Variants in YAP1 observed in about 807,000 individuals in gnomAD.
The protein encoded by YAP1 is transcriptional coactivator YAP1.
YAP1 carries 5 observed loss-of-function variants against 56.9 expected under a neutral mutation model. The observed-to-expected ratio is 0.09, with a 90% CI of 0.05 to 0.18. YAP1 has a LOEUF of 0.18. YAP1 is among the 10% of genes least tolerant of loss of function. YAP1 has a pLI of 1.00. For synonymous variants in YAP1, 265 were observed against 248.1 expected (o/e 1.07, Z -0.64); for missense variants, 539 against 651.8 (o/e 0.83, Z 1.88).
chr11:102,130,657 C>T (rs1944320320), intron 2 of YAP1, among the ~76,000 whole-genome samples: 1 of 151,606 alleles, frequency 6.6e-6, no homozygotes, highest in African/African-American at 2.4e-5. Flanking sequence ...CTCACTTCAG[C>T]CTCCCAAAAT....
At chr11:102,111,215 AG>A in intron 1 of YAP1, 46 bp downstream of exon 1, 1 of 1,602,830 alleles carries the variant, frequency 6.2e-7, no homozygotes. Context: ...GGCGGGCCTC[AG>A]ACCGGGGGGG....
chr11:102,226,142 C>G (rs1422557941), intron 7 of YAP1, among the ~76,000 whole-genome samples: 1 of 152,200 alleles, frequency 6.6e-6, no homozygotes, highest in Non-Finnish European at 1.5e-5. Flanking sequence ...AGGCTCTTGT[C>G]CCAGATCAGG....
At chr11:102,177,601 C>T (rs560881777) in intron 3 of YAP1, among the ~76,000 whole-genome samples, 55 of 150,118 alleles carry the variant, frequency 3.7e-4, no homozygotes, top group Middle Eastern at 3.4e-3. Flanking sequence ...CGCTTGAACC[C>T]AGCAGGTGGA....
chr11:102,215,946 A>G (rs1949639594), intron 6 of YAP1, among the ~76,000 whole-genome samples: 1 of 152,174 alleles, frequency 6.6e-6, no homozygotes, highest in Non-Finnish European at 1.5e-5. Flanking sequence ...ACAATATGAT[A>G]TGTCTTTGTG....
At position 102,110,948 on chromosome 11, in the gene YAP1, G is replaced by C; in HGVS notation, c.100G>C (p.Gly34Arg). The change falls in exon 1 of 9, where the codon GGG becomes CGG. Residue 34 changes from glycine (G) to arginine (R), a missense_variant. Gly to Arg is a moderately radical substitution (Grantham distance 125). This residue lies in a region of YAP1 where 106 missense variants were observed against 86.6 expected (regional missense o/e 1.22). Coordinates refer to ENST00000282441, the MANE Select transcript of YAP1 (RefSeq NM_001130145.3). ...GGGGCAGGGCCCGCCGTCCGGACCC[G>C]GGCAACCGGCACCCGCGGCGACCCA... ...PQGQGPPSGP[G>R]QPAPAATQAA... 7 of 1,504,220 alleles carry C rather than the reference G, an allele frequency of 4.7e-6. No individual in the cohort carries two copies. Among genetic ancestry groups the C allele is most frequent in the Non-Finnish European group, 6.2e-6 (7 of 1,128,090 alleles). The allele number at this position is 1,504,220 out of a possible 1,614,324, so 93.2% of individuals were successfully genotyped here.
intron 2 of YAP1, among the ~76,000 whole-genome samples, chr11:102,115,395 A>G (rs749726920): frequency 2.6e-5 from 4 of 152,184 alleles, no homozygotes; most frequent in Non-Finnish European, 4.4e-5. Context: ...ATCATACCAG[A>G]TAACACCATT....
At chr11:102,188,560 T>A (rs1948108850) in intron 4 of YAP1, among the ~76,000 whole-genome samples, 1 of 152,234 alleles carries the variant, frequency 6.6e-6, no homozygotes, top group South Asian at 2.1e-4. Context: ...ATTCTAATAC[T>A]GTGTTTTTAC....
chr11:102,180,296 T>A (rs1014394389), intron 3 of YAP1, among the ~76,000 whole-genome samples: 3 of 152,082 alleles, frequency 2.0e-5, no homozygotes, highest in African/African-American at 7.2e-5. Context: ...AATTAGTAGA[T>A]CCTATACTGG....
intron 2 of YAP1, among the ~76,000 whole-genome samples, chr11:102,161,535 C>G (rs1394451565): frequency 1.3e-5 from 2 of 152,050 alleles, no homozygotes; most frequent in Non-Finnish European, 2.9e-5. Flanking sequence ...TAACCAATTC[C>G]CTATCATTAA....
intron 2 of YAP1, among the ~76,000 whole-genome samples, chr11:102,148,794 A>G (rs73579981): frequency 0.08 from 12,202 of 152,194 alleles, 779 homozygotes; most frequent in African/African-American, 0.16. Context: ...GTAGAGATTT[A>G]ATATAGGAGG....
At chr11:102,209,261 A>G (rs1949275194) in intron 5 of YAP1, among the ~76,000 whole-genome samples, 1 of 152,176 alleles carries the variant, frequency 6.6e-6, no homozygotes, top group Non-Finnish European at 1.5e-5. Context: ...CTACGTGACC[A>G]ATATCAAATT....
Position 102,172,220 on chromosome 11 carries a change from G to A in YAP1, c.688+9649G>A, listed in dbSNP as rs182407863. Among the ~76,000 whole-genome samples, 45 of 150,498 alleles carry A rather than the reference G, an allele frequency of 3.0e-4. 1 individual carries two copies. In the East Asian group the frequency reaches 8.2e-3, roughly 27 times the overall value. ...AAAAAAAATAAAAGAAAAAGTTGTG[G>A]CAGATGTATGCACTGAGTGCTGAGA... On this transcript the variant is annotated intron_variant, in intron 3 of 8. Transcript: ENST00000282441.
rs533083098 is a variant in YAP1 at position 102,209,567 on chromosome 11, A to G, written c.1032+3A>G. On this transcript the variant is annotated splice_donor_region_variant and intron_variant, in intron 6 of 8. Transcript: ENST00000282441. ...CAGCAAATTCTCCAAAATGTCAGGT[A>G]GGCTCTTATCTGATGTTTTAGCACT... The G allele has an allele frequency of 1.3e-6, 2 of 1,591,582 alleles. No homozygotes were observed. Among genetic ancestry groups the G allele is most frequent in the Non-Finnish European group, 1.7e-6 (2 of 1,171,626 alleles).
At chr11:102,132,828 G>A (rs549577547) in intron 2 of YAP1, among the ~76,000 whole-genome samples, 2 of 152,316 alleles carry the variant, frequency 1.3e-5, no homozygotes, top group East Asian at 1.9e-4. Context: ...ATAGTAAAAT[G>A]TGTAAAACAT....
chr11:102,176,253 T>A (rs1197588700), intron 3 of YAP1, among the ~76,000 whole-genome samples: 1 of 152,184 alleles, frequency 6.6e-6, no homozygotes, highest in African/African-American at 2.4e-5. Flanking sequence ...TTTTTCCCTA[T>A]AGTCTAGGGC....
At chr11:102,178,025 T>C (rs1157949972) in intron 3 of YAP1, among the ~76,000 whole-genome samples, 1 of 152,214 alleles carries the variant, frequency 6.6e-6, no homozygotes, top group Admixed American at 6.5e-5. Flanking sequence ...GGCTGAATGA[T>C]CCTGGACAAG....
At chr11:102,201,066 C>T (rs994658726) in intron 4 of YAP1, among the ~76,000 whole-genome samples, 11 of 152,130 alleles carry the variant, frequency 7.2e-5, no homozygotes, top group African/African-American at 2.7e-4. Flanking sequence ...TAAGCAATCT[C>T]CCGTATAGAC....
At chr11:102,214,433 T>A (rs1235850246) in intron 6 of YAP1, among the ~76,000 whole-genome samples, 5 of 152,194 alleles carry the variant, frequency 3.3e-5, no homozygotes, top group African/African-American at 1.2e-4. Flanking sequence ...ACAGTTGTAG[T>A]TAATGAGAAC....
chr11:102,111,163 C>A lies in YAP1; in HGVS notation c.315C>A (p.Ser105=), dbSNP rs1942872848. ...FFKPPEPKSH[S]RQASTDAGTA... Reference sequence around the variant, plus strand: ...AGCCGCCGGAGCCCAAATCCCACTCCCGACAGGTAACCTCGTTGCCCCTCT... The same window carrying A: ...AGCCGCCGGAGCCCAAATCCCACTCACGACAGGTAACCTCGTTGCCCCTCT... The change falls in exon 1 of 9, where the codon TCC becomes TCA. Residue 105 remains serine, a synonymous_variant. Transcript: ENST00000282441. 1.9e-6 allele frequency: 3 copies of A among 1,612,642 alleles called. No homozygotes were observed. The highest frequency in any genetic ancestry group is 1.7e-6 in the Non-Finnish European group (2 of 1,179,732).
Sources: gnomAD v4.1 joint callset for allele counts (sites outside exome capture counted in the v4.1 genomes callset) on GRCh38, gnomAD v4.1.1 for gene constraint, gnomAD v4.1.1 regional missense constraint, MANE v1.5 for transcripts, NCBI Gene and HGNC (gene_info 2026-07-23, HGNC 2026-07-21) for gene names.